The following NCAM2 variants were observed in gnomAD, a reference collection of about 807,000 sequenced individuals.
The protein encoded by NCAM2 is neural cell adhesion molecule 2.
Under a neutral mutation model 98.1 loss-of-function variants are expected in NCAM2, and 30 were observed. The ratio of observed to expected loss-of-function variants is 0.31; its 90% CI spans 0.23 to 0.41. The LOEUF (loss-of-function observed/expected upper bound fraction) is 0.41, where lower values mean the gene tolerates loss of function less well. Ranked by LOEUF, NCAM2 falls within the 10% of genes least tolerant of loss-of-function variation. The probability of loss-of-function intolerance (pLI) is 1.00; values close to 1 mark genes in which losing one functional copy is unlikely to be tolerated. For missense variants in NCAM2, 867 were observed against 1,005.8 expected (o/e 0.86, Z 1.87); for synonymous variants, 368 against 342.4 (o/e 1.07, Z -0.83).
At chr21:21,411,436 C>A (rs2076885890) in intron 10 of NCAM2, among the ~76,000 whole-genome samples, 1 of 150,644 alleles carries the variant, frequency 6.6e-6, no homozygotes, top group Non-Finnish European at 1.5e-5. Context: ...TGTTCAGTAT[C>A]TTTTGTTTTA....
At position 21,324,374 on chromosome 21, in the gene NCAM2, C is replaced by T; in HGVS notation, c.620-9C>T. On this transcript the variant is annotated splice_polypyrimidine_tract_variant and intron_variant, in intron 5 of 17. Coordinates refer to ENST00000400546, the MANE Select transcript of NCAM2 (RefSeq NM_004540.5). ...GTCTCTATTTATTCTGTATTCATCT[C>T]TCCTTCAGTGCCGCCAGCAATCTCA... 1 of 1,604,084 alleles carries T rather than the reference C, an allele frequency of 6.2e-7. No homozygotes were observed. Among genetic ancestry groups the T allele is most frequent in the Non-Finnish European group, 8.5e-7 (1 of 1,171,350 alleles).
intron 1 of NCAM2, among the ~76,000 whole-genome samples, chr21:21,232,702 A>G (rs2070677673): frequency 6.6e-6 from 1 of 151,716 alleles, no homozygotes; most frequent in South Asian, 2.1e-4. Context: ...TTATTAAGAA[A>G]AAGTTTTCAA....
chr21:21,125,190 G>C (rs1380872482), intron 1 of NCAM2, among the ~76,000 whole-genome samples: 1 of 151,430 alleles, frequency 6.6e-6, no homozygotes, highest in Non-Finnish European at 1.5e-5. Context: ...TTAGTGGCTG[G>C]TGTGCCATTT....
chr21:21,253,572 A>G (rs1374684659), intron 1 of NCAM2, among the ~76,000 whole-genome samples: 1 of 152,180 alleles, frequency 6.6e-6, no homozygotes, highest in Non-Finnish European at 1.5e-5. Flanking sequence ...AGAATCTGTG[A>G]GAATCTGGAA....
chr21:21,190,006 G>A (rs750421932), intron 1 of NCAM2, among the ~76,000 whole-genome samples: 5 of 152,184 alleles, frequency 3.3e-5, no homozygotes, highest in African/African-American at 4.8e-5. Flanking sequence ...AAGGAGAGCA[G>A]CTGCTAAGTT....
At chr21:21,347,118 G>A (rs1447640444) in intron 8 of NCAM2, among the ~76,000 whole-genome samples, 1 of 151,780 alleles carries the variant, frequency 6.6e-6, no homozygotes, top group Non-Finnish European at 1.5e-5. Flanking sequence ...AATTTACAAA[G>A]CTTTAGACAG....
chr21:21,099,244 C>A (rs2066188289), intron 1 of NCAM2, among the ~76,000 whole-genome samples: 2 of 151,906 alleles, frequency 1.3e-5, no homozygotes, highest in Admixed American at 6.6e-5. Context: ...GAGGTTTATA[C>A]ATTTTGCCTT....
chr21:21,312,573 GA>G (rs59194852), intron 5 of NCAM2, among the ~76,000 whole-genome samples: 106,617 of 148,380 alleles, frequency 0.72, 38,212 homozygotes, highest in South Asian at 0.84. Context: ...ACAGGAAAAA[GA>G]AAAAAAAACT....
At chr21:21,508,394 A>G (rs889888270) in intron 15 of NCAM2, among the ~76,000 whole-genome samples, 2 of 152,108 alleles carry the variant, frequency 1.3e-5, no homozygotes, top group African/African-American at 4.8e-5. Flanking sequence ...AACTAACATA[A>G]TCTCATATAG....
At chr21:21,480,635 A>G (rs1985792737) in intron 15 of NCAM2, among the ~76,000 whole-genome samples, 1 of 152,236 alleles carries the variant, frequency 6.6e-6, no homozygotes, top group Non-Finnish European at 1.5e-5. Flanking sequence ...ATTGTAAAAC[A>G]TCTTCCAAAA....
intron 1 of NCAM2, among the ~76,000 whole-genome samples, chr21:21,153,788 G>C (rs1301278647): frequency 2.6e-5 from 4 of 151,752 alleles, no homozygotes; most frequent in Non-Finnish European, 5.9e-5. Flanking sequence ...ATCTATTAAG[G>C]GGTTTTGCAG....
intron 5 of NCAM2, among the ~76,000 whole-genome samples, chr21:21,299,329 A>G (rs751883521): frequency 8.0e-5 from 12 of 150,206 alleles, no homozygotes; most frequent in Non-Finnish European, 8.9e-5. Context: ...GTCATATCCT[A>G]TGGCTTTTAA....
At chr21:21,350,197 T>C (rs1254443281) in intron 8 of NCAM2, among the ~76,000 whole-genome samples, 1 of 151,962 alleles carries the variant, frequency 6.6e-6, no homozygotes, top group Non-Finnish European at 1.5e-5. Context: ...ACACCTACTA[T>C]GTACCCCAAA....
At chr21:21,169,838 G>A (rs540934631) in intron 1 of NCAM2, among the ~76,000 whole-genome samples, 1 of 151,986 alleles carries the variant, frequency 6.6e-6, no homozygotes, top group Non-Finnish European at 1.5e-5. Context: ...CACACCTTTA[G>A]TCCCAGCTAC....
intron 9 of NCAM2, among the ~76,000 whole-genome samples, chr21:21,387,080 A>C (rs1370422253): frequency 6.6e-6 from 1 of 151,946 alleles, no homozygotes; most frequent in Non-Finnish European, 1.5e-5. Flanking sequence ...CTCTAAATCT[A>C]GGGGCTATAA....
intron 8 of NCAM2, among the ~76,000 whole-genome samples, chr21:21,343,018 G>T (rs1049264326): frequency 1.4e-4 from 21 of 152,180 alleles, no homozygotes; most frequent in African/African-American, 3.9e-4. Flanking sequence ...TGTATGGCTG[G>T]CACTCTCATA....
intron 1 of NCAM2, among the ~76,000 whole-genome samples, chr21:21,260,070 CAATAG>C (rs1322326500): frequency 1.3e-5 from 2 of 150,306 alleles, no homozygotes; most frequent in East Asian, 2.0e-4. Flanking sequence ...GAATTATGAG[CAATAG>C]AATAGATCAA....
chr21:21,168,115 G>A (rs2068010293), intron 1 of NCAM2, among the ~76,000 whole-genome samples: 1 of 151,950 alleles, frequency 6.6e-6, no homozygotes, highest in South Asian at 2.1e-4. Context: ...TTACAACCGA[G>A]TGGGACTTAC....
chr21:21,453,182 T>C (rs1981591004), intron 12 of NCAM2, among the ~76,000 whole-genome samples: 2 of 109,232 alleles, frequency 1.8e-5, no homozygotes, highest in Admixed American at 1.9e-4. Context: ...TTTAAAACAG[T>C]TAATGATATA....
Sources: allele counts gnomAD v4.1 joint callset (sites outside exome capture counted in the v4.1 genomes callset), GRCh38; gene constraint gnomAD v4.1.1; transcripts MANE v1.5; gene names NCBI Gene and HGNC (gene_info 2026-07-23, HGNC 2026-07-21).